Variants in ZNF385D observed in about 807,000 individuals in gnomAD.
ZNF385D encodes the protein zinc finger protein 385D, also known as zinc finger protein 659.
In ZNF385D, 15 loss-of-function variants were observed where a neutral mutation model predicts 35.8. That is an observed-to-expected ratio of 0.42 (90% confidence interval 0.28 to 0.64). ZNF385D has a LOEUF of 0.64. Among genes scored for constraint, ZNF385D ranks in the 30% least tolerant of loss-of-function variants. ZNF385D has a pLI of 0.23. For missense variants in ZNF385D, 474 were observed against 494.6 expected (o/e 0.96, Z 0.39); for synonymous variants, 212 against 186.8 (o/e 1.13, Z -1.10).
intron 3 of ZNF385D, among the ~76,000 whole-genome samples, chr3:21,925,753 T>C (rs564974129): frequency 2.6e-5 from 4 of 152,176 alleles, no homozygotes; most frequent in South Asian, 4.1e-4. Context: ...CTAGAATATA[T>C]AGTCCAATGA....
chr3:22,315,762 G>T (rs972725561), intron 2 of ZNF385D, among the ~76,000 whole-genome samples: 1 of 152,114 alleles, frequency 6.6e-6, no homozygotes, highest in Non-Finnish European at 1.5e-5. Flanking sequence ...AGCTCACCAT[G>T]GGAGGAATTT....
chr3:22,009,521 G>A (rs1275166099), intron 3 of ZNF385D, among the ~76,000 whole-genome samples: 1 of 151,612 alleles, frequency 6.6e-6, no homozygotes, highest in Admixed American at 6.6e-5. Context: ...TACTCGGGAG[G>A]CTGAGTCAGG....
intron 1 of ZNF385D, among the ~76,000 whole-genome samples, chr3:21,702,213 C>A (rs1234812360): frequency 6.6e-6 from 1 of 152,206 alleles, no homozygotes; most frequent in Non-Finnish European, 1.5e-5. Flanking sequence ...CTTCTGAAAT[C>A]TAGCCGGATT....
At chr3:21,851,913 TC>T (rs756532935) in intron 3 of ZNF385D, among the ~76,000 whole-genome samples, 25 of 151,996 alleles carry the variant, frequency 1.6e-4, no homozygotes, top group Non-Finnish European at 2.9e-4. Flanking sequence ...CCTAACACAG[TC>T]CCTGTTGACA....
At chr3:21,901,573 G>A (rs1236134300) in intron 3 of ZNF385D, among the ~76,000 whole-genome samples, 2 of 152,072 alleles carry the variant, frequency 1.3e-5, no homozygotes, top group East Asian at 3.9e-4. Flanking sequence ...TAGAAACACT[G>A]CCATTTAATC....
At chr3:22,067,273 G>A (rs997915984) in intron 3 of ZNF385D, among the ~76,000 whole-genome samples, 1 of 152,114 alleles carries the variant, frequency 6.6e-6, no homozygotes, top group East Asian at 1.9e-4. Context: ...TGTCATCTCT[G>A]TAAAATAACA....
At chr3:21,652,124 A>C (rs1310998350) in intron 2 of ZNF385D, among the ~76,000 whole-genome samples, 1 of 152,208 alleles carries the variant, frequency 6.6e-6, no homozygotes, top group Non-Finnish European at 1.5e-5. Context: ...TAATGTCTTT[A>C]ATAGGTAAAT....
chr3:22,206,753 A>C (rs1433601914), intron 2 of ZNF385D, among the ~76,000 whole-genome samples: 6 of 151,946 alleles, frequency 3.9e-5, no homozygotes, highest in Non-Finnish European at 5.9e-5. Flanking sequence ...CAATATACCA[A>C]AACCTATGGG....
At chr3:22,123,448 C>T (rs571555068) in intron 3 of ZNF385D, among the ~76,000 whole-genome samples, 1 of 152,190 alleles carries the variant, frequency 6.6e-6, no homozygotes, top group East Asian at 1.9e-4. Context: ...AATGTGTAAT[C>T]ACACCACGGT....
At chr3:21,751,874 T>C (rs1297897488), upstream of ZNF385D, among the ~76,000 whole-genome samples, 1 of 151,918 alleles carries the variant, frequency 6.6e-6, no homozygotes, top group Non-Finnish European at 1.5e-5. Flanking sequence ...AGTAGGCAGG[T>C]AGAAAGCACA....
intron 3 of ZNF385D, among the ~76,000 whole-genome samples, chr3:22,110,348 T>C (rs1049357142): frequency 6.6e-5 from 10 of 152,004 alleles, no homozygotes; most frequent in Admixed American, 4.6e-4. Context: ...CATATGTTTA[T>C]TGCGGCACTA....
chr3:22,009,079 G>A (rs557200612), intron 3 of ZNF385D, among the ~76,000 whole-genome samples: 2 of 152,290 alleles, frequency 1.3e-5, no homozygotes, highest in Admixed American at 6.5e-5. Context: ...ATAAGGGCCA[G>A]CTTGGTCAAA....
intron 3 of ZNF385D, among the ~76,000 whole-genome samples, chr3:22,007,668 C>G (rs1696297687): frequency 6.6e-6 from 1 of 152,124 alleles, no homozygotes; most frequent in African/African-American, 2.4e-5. Context: ...CTTTTCAATC[C>G]TTGCTAATCT....
intron 3 of ZNF385D, among the ~76,000 whole-genome samples, chr3:21,836,593 G>C (rs60703571): frequency 0.013 from 1,985 of 152,174 alleles, 38 homozygotes; most frequent in African/African-American, 0.045. Flanking sequence ...AAGCACGTTA[G>C]ACTTGCACAC....
chr3:22,056,759 G>A (rs1699423741), intron 3 of ZNF385D, among the ~76,000 whole-genome samples: 1 of 152,194 alleles, frequency 6.6e-6, no homozygotes. Context: ...ATGCTTACAG[G>A]TCTGAGGGTA....
rs564319890 is a variant in ZNF385D at position 21,417,280 on chromosome 3, A to G, written c.*3934T>C. 25 of 152,198 alleles carry G rather than the reference A, an allele frequency of 1.6e-4. No homozygotes were observed. Among genetic ancestry groups the G allele is most frequent in the African/African-American group, 6.0e-4 (25 of 41,552 alleles). 9.4% of individuals were successfully genotyped at this position (152,198 alleles called of 1,614,324 possible). ...GCTATTAATCACTGTCATCCATTTT[A>G]CTGATGAAGAAATTAAGGGCAAGGC... On this transcript the variant is annotated 3_prime_UTR_variant, in exon 8 of 8. Coordinates refer to ENST00000281523, the MANE Select transcript of ZNF385D (RefSeq NM_024697.3).
At chr3:22,148,139 A>G (rs1704982145) in intron 3 of ZNF385D, among the ~76,000 whole-genome samples, 1 of 152,192 alleles carries the variant, frequency 6.6e-6, no homozygotes, top group Non-Finnish European at 1.5e-5. Context: ...CTCATATAGA[A>G]CCATATAATT....
chr3:21,629,965 A>T (rs978800202), intron 2 of ZNF385D, among the ~76,000 whole-genome samples: 2 of 151,874 alleles, frequency 1.3e-5, no homozygotes, highest in African/African-American at 4.8e-5. Context: ...CTGTATTTAT[A>T]ATAATTTCTC....
chr3:21,769,952 T>C (rs1398112931), intron 3 of ZNF385D, among the ~76,000 whole-genome samples: 1 of 152,088 alleles, frequency 6.6e-6, no homozygotes, highest in Admixed American at 6.6e-5. Context: ...AACTATCTGA[T>C]CTTTGACAAA....
Sources: gnomAD v4.1 joint callset for allele counts (sites outside exome capture counted in the v4.1 genomes callset) on GRCh38, gnomAD v4.1.1 for gene constraint, MANE v1.5 for transcripts, NCBI Gene and HGNC (gene_info 2026-07-23, HGNC 2026-07-21) for gene names.